The following COL12A1 variants were observed in gnomAD, a reference collection of about 807,000 sequenced individuals.
The protein encoded by COL12A1 is collagen alpha-1(XII) chain.
A neutral mutation model predicts 349.7 loss-of-function variants in COL12A1; 114 were observed. The ratio of observed to expected loss-of-function variants is 0.33; its 90% CI spans 0.28 to 0.38. The LOEUF (loss-of-function observed/expected upper bound fraction) is 0.38. COL12A1 is among the 10% of genes least tolerant of loss of function. The pLI is 1.00. For synonymous variants in COL12A1, 1,369 were observed against 1,329.0 expected (o/e 1.03, Z -0.66); for missense variants, 3,284 against 3,756.9 (o/e 0.87, Z 3.29).
At chr6:75,193,215 T>C (rs1254736052) in intron 3 of COL12A1, among the ~76,000 whole-genome samples, 1 of 152,096 alleles carries the variant, frequency 6.6e-6, no homozygotes, top group African/African-American at 2.4e-5. Context: ...AGTGCCAGTT[T>C]TGGAAGTGTT....
At chr6:75,177,560 G>A in intron 12 of COL12A1, 103 bp downstream of exon 12, 6 of 1,421,282 alleles carry the variant, frequency 4.2e-6, no homozygotes, top group Non-Finnish European at 5.9e-6. Flanking sequence ...TCAAACAATT[G>A]AAACAAAGTG....
intron 47 of COL12A1, 21 bp from the exon 48 acceptor site, chr6:75,116,078 T>C (rs773893111): frequency 5.0e-6 from 8 of 1,612,026 alleles, no homozygotes; most frequent in Non-Finnish European, 6.8e-6. Flanking sequence ...CAGTGTTCTT[T>C]AAGTATGATT....
chr6:75,103,071 G>A, intron 55 of COL12A1, among the ~76,000 whole-genome samples: 1 of 151,886 alleles, frequency 6.6e-6, no homozygotes, highest in East Asian at 1.9e-4. Context: ...TTATTTCTGG[G>A]ACTAAAGGAT....
chr6:75,101,069 G>A lies in COL12A1; in HGVS notation c.8523+531C>T, dbSNP rs546594895. On this transcript the variant is annotated intron_variant, in intron 58 of 65. Transcript: ENST00000322507. Reference sequence around the variant, plus strand: ...GTTTCCTGTACTGCTTTCATGCTAAGTCAAGACCAAACCTGAAAGCTGCTA... The same window carrying A: ...GTTTCCTGTACTGCTTTCATGCTAAATCAAGACCAAACCTGAAAGCTGCTA... 3.1e-4 allele frequency among the ~76,000 whole-genome samples: 47 copies of A among 152,242 alleles called. No individual in the cohort carries two copies. In the South Asian group the frequency reaches 9.8e-3, roughly 32 times the overall value.
chr6:75,151,537 ACT>A (rs1401729288), intron 20 of COL12A1, among the ~76,000 whole-genome samples: 1 of 152,044 alleles, frequency 6.6e-6, no homozygotes, highest in Admixed American at 6.6e-5. Context: ...CGCCAAAAAG[ACT>A]CTCTTCAGTG....
At chr6:75,106,831 AATGTTT>A in intron 52 of COL12A1, among the ~76,000 whole-genome samples, 1 of 151,166 alleles carries the variant, frequency 6.6e-6, no homozygotes, top group Non-Finnish European at 1.5e-5. Flanking sequence ...GCTGAAATGC[AATGTTT>A]GAGTGAGTTT....
intron 27 of COL12A1, among the ~76,000 whole-genome samples, chr6:75,139,887 C>T (rs771303437): frequency 6.6e-6 from 1 of 152,130 alleles, no homozygotes; most frequent in Non-Finnish European, 1.5e-5. Flanking sequence ...CCTGAGCTTT[C>T]ATTGTCACTT....
intron 12 of COL12A1, among the ~76,000 whole-genome samples, chr6:75,176,560 C>T (rs1404340158): frequency 1.3e-5 from 2 of 151,934 alleles, no homozygotes; most frequent in Non-Finnish European, 2.9e-5. Flanking sequence ...GTGATGCAGA[C>T]CAAGAGATAA....
At chr6:75,101,929 C>T (rs1411729014) in intron 57 of COL12A1, 70 bp downstream of exon 57, 1 of 1,521,946 alleles carries the variant, frequency 6.6e-7, no homozygotes, top group East Asian at 2.2e-5. Context: ...AATCTGGGTT[C>T]ACCTTTTGAG....
chr6:75,142,708 C>T (rs545508644), intron 26 of COL12A1, among the ~76,000 whole-genome samples: 1 of 152,168 alleles, frequency 6.6e-6, no homozygotes, highest in Non-Finnish European at 1.5e-5. Context: ...CTCAAGCACA[C>T]ACAAGTTTTG....
chr6:75,161,534 C>T (rs1405116811), intron 14 of COL12A1, among the ~76,000 whole-genome samples: 1 of 152,110 alleles, frequency 6.6e-6, no homozygotes, highest in Non-Finnish European at 1.5e-5. Flanking sequence ...AAAGAGGCCT[C>T]CCACAGCCAA....
At chr6:75,128,164 T>C in intron 38 of COL12A1, 132 bp downstream of exon 38, 3 of 739,228 alleles carry the variant, frequency 4.1e-6, no homozygotes, top group South Asian at 9.2e-5. Flanking sequence ...CTAATAAAAA[T>C]AATACAATAT....
intron 10 of COL12A1, among the ~76,000 whole-genome samples, chr6:75,182,210 G>A (rs2149463985): frequency 6.6e-6 from 1 of 151,722 alleles, no homozygotes; most frequent in Middle Eastern, 3.4e-3. Context: ...AAAAGGATGG[G>A]ACTTTTTATT....
chr6:75,093,062 C>T (rs923642371), intron 60 of COL12A1, among the ~76,000 whole-genome samples: 2 of 152,196 alleles, frequency 1.3e-5, no homozygotes, highest in African/African-American at 4.8e-5. Context: ...CAGAGAGGTT[C>T]CTAGATGACT....
intron 2 of COL12A1, among the ~76,000 whole-genome samples, chr6:75,196,018 C>T (rs924972741): frequency 7.2e-5 from 11 of 152,152 alleles, no homozygotes; most frequent in Non-Finnish European, 8.8e-5. Flanking sequence ...GAAATGTTGA[C>T]TTGTTTTTAG....
At chr6:75,089,679 C>T (rs182213777) in intron 63 of COL12A1, among the ~76,000 whole-genome samples, 13 of 152,174 alleles carry the variant, frequency 8.5e-5, no homozygotes, top group Non-Finnish European at 1.8e-4. Context: ...GTTATCTATA[C>T]CATGAAATTA....
intron 53 of COL12A1, 23 bp downstream of exon 53, chr6:75,106,396 G>T: frequency 5.6e-6 from 9 of 1,596,848 alleles, no homozygotes; most frequent in Non-Finnish European, 7.7e-6. Context: ...AGCCATGGCA[G>T]AATTCAATTC....
intron 53 of COL12A1, among the ~76,000 whole-genome samples, chr6:75,105,997 T>C (rs1768526055): frequency 6.6e-6 from 1 of 152,160 alleles, no homozygotes; most frequent in African/African-American, 2.4e-5. Flanking sequence ...TTTGTAACTA[T>C]TACCACCTAC....
intron 2 of COL12A1, among the ~76,000 whole-genome samples, chr6:75,201,518 A>G (rs1437844454): frequency 6.6e-6 from 1 of 151,870 alleles, no homozygotes; most frequent in African/African-American, 2.4e-5. Flanking sequence ...AAACAACCAT[A>G]CTTTCTCACA....
Sources: allele counts gnomAD v4.1 joint callset (sites outside exome capture counted in the v4.1 genomes callset), GRCh38; gene constraint gnomAD v4.1.1; transcripts MANE v1.5; gene names NCBI Gene and HGNC (gene_info 2026-07-23, HGNC 2026-07-21).